BTNL9: variants seen among roughly 807,000 people sequenced by gnomAD.
BTNL9 encodes butyrophilin-like protein 9.
A neutral mutation model predicts 45.8 loss-of-function variants in BTNL9; 45 were observed. The ratio of observed to expected loss-of-function variants is 0.98; its 90% CI spans 0.77 to 1.26. The LOEUF (loss-of-function observed/expected upper bound fraction) is 1.26. BTNL9 is among the 50% of genes most tolerant of loss of function. BTNL9 has a pLI of 0.00. For synonymous variants in BTNL9, 346 were observed against 330.8 expected (o/e 1.05, Z -0.50); for missense variants, 784 against 729.7 (o/e 1.07, Z -0.86).
At chr5:181,054,042 GCA>G (rs1761737766) in intron 6 of BTNL9, 195 bp from the exon 7 acceptor site, 1 of 1,543,666 alleles carries the variant, frequency 6.5e-7, no homozygotes, top group Non-Finnish European at 8.7e-7. Flanking sequence ...ATGCAGAAGG[GCA>G]GCCAAGGGTG....
At chr5:181,045,673 C>G in intron 2 of BTNL9, 75 bp downstream of exon 2, 2 of 1,194,192 alleles carry the variant, frequency 1.7e-6, no homozygotes, top group Non-Finnish European at 2.5e-6. Context: ...GGGCTACGAT[C>G]TTAGCACAGT....
intron 9 of BTNL9, chr5:181,056,508 C>T: frequency 1.4e-6 from 1 of 716,080 alleles, no homozygotes. Context: ...CACTCGTGTG[C>T]ATTCAGTCTG....
chr5:181,043,220 GTGTGTGTGTCTATGTGTGTGTC>G (rs1760880816), intron 1 of BTNL9, among the ~76,000 whole-genome samples: 1 of 35,076 alleles, frequency 2.9e-5, no homozygotes, highest in Non-Finnish European at 6.3e-5. Flanking sequence ...GTGTGCATCT[GTGTGTGTGTCTATGTGTGTGTC>G]TGTGTGTGTG....
chr5:181,054,901 C>G (rs1582144515), intron 7 of BTNL9: 2 of 985,498 alleles, frequency 2.0e-6, no homozygotes, highest in Middle Eastern at 1.0e-3. Flanking sequence ...ATGAATGCCT[C>G]TCCCAGGAGC....
intron 2 of BTNL9, among the ~76,000 whole-genome samples, chr5:181,046,984 G>A (rs374768267): frequency 5.9e-5 from 9 of 152,260 alleles, no homozygotes; most frequent in South Asian, 2.1e-4. Flanking sequence ...CTCACCCAGC[G>A]GGCAATGAGG....
At position 181,053,737 on chromosome 5, in the gene BTNL9, G is replaced by T; in HGVS notation, c.886+236G>T. The T allele has an allele frequency of 6.6e-7, 1 of 1,513,824 alleles. No homozygotes were observed. 93.8% of individuals were successfully genotyped at this position (1,513,824 alleles called of 1,614,324 possible). On this transcript the variant is annotated intron_variant, in intron 6 of 10. Coordinates refer to ENST00000327705, the MANE Select transcript of BTNL9 (RefSeq NM_152547.5). The surrounding 1 kb of genome is among the most constrained non-coding windows in gnomAD (Gnocchi z 6.5). ...AGGCTAGTGCACAGATGTCAGGGTT[G>T]ACCGGCTGCTGTCGTTACGCCCTCG...
At chr5:181,056,545 C>G in intron 9 of BTNL9, 2 of 717,542 alleles carry the variant, frequency 2.8e-6, no homozygotes, top group Non-Finnish European at 5.2e-6. Context: ...CAGAGTGCTT[C>G]GTTTTAGCCA....
chr5:181,044,706 G>A (rs190202833), intron 1 of BTNL9, among the ~76,000 whole-genome samples: 61 of 152,310 alleles, frequency 4.0e-4, no homozygotes, highest in African/African-American at 1.4e-3. Context: ...AGTCATTAGT[G>A]GGTCCCAAGG....
rs941301563 is a variant in BTNL9 at position 181,050,089 on chromosome 5, G to A, written c.456G>A (p.Gly152=). 1 of 1,612,660 alleles carries A rather than the reference G, an allele frequency of 6.2e-7. No homozygotes were observed. Among genetic ancestry groups the A allele is most frequent in the African/African-American group, 1.3e-5 (1 of 75,040 alleles). Residue 152 remains glycine (G), a splice_region_variant and synonymous_variant, in exon 4 of 11, where the codon GGG becomes GGA. Coordinates refer to ENST00000327705, the MANE Select transcript of BTNL9 (RefSeq NM_152547.5). This position sits in a 1 kb window ranked among gnomAD's most constrained non-coding sequence, Gnocchi z 4.9. ...TCCCACTCCTCCTGCCTCCACCAGGGCTGGGCTCAGACCCTCACCTCTCCC... is the reference window on the plus strand; with the variant it reads ...TCCCACTCCTCCTGCCTCCACCAGGACTGGGCTCAGACCCTCACCTCTCCC... ...GEALWELEVA[G]LGSDPHLSLE...
At position 181,047,933 on chromosome 5, in the gene BTNL9, A is replaced by G; in HGVS notation, c.116A>G (p.Lys39Arg). 6.2e-7 allele frequency: 1 copy of G among 1,612,786 alleles called. No homozygotes were observed. Among genetic ancestry groups the G allele is most frequent in the Non-Finnish European group, 8.5e-7 (1 of 1,179,180 alleles). ...LQPGEPSSEV[K>R]VLGPEYPILA... ...TTCTGACTTGTCATCCTAGAGGTCA[A>G]GGTGCTAGGCCCTGAGTATCCCATC... The change falls in exon 3 of 11, where the codon AAG becomes AGG. Residue 39 changes from lysine (K) to arginine (R), a missense_variant. By Grantham distance (26) the Lys-to-Arg change is conservative. Coordinates refer to ENST00000327705, the MANE Select transcript of BTNL9 (RefSeq NM_152547.5).
chr5:181,051,918 C>T (rs1292649600), intron 4 of BTNL9, among the ~76,000 whole-genome samples: 1 of 152,126 alleles, frequency 6.6e-6, no homozygotes, highest in Non-Finnish European at 1.5e-5. Flanking sequence ...GGGCGTGACT[C>T]ACATGGATAC....
rs188464700 is a variant in BTNL9, at chr5:181,042,291, G to A, written c.-24+1859G>A. Among the ~76,000 whole-genome samples the A allele has an allele frequency of 6.6e-6, 1 of 152,218 alleles. No homozygotes were observed. Among genetic ancestry groups the A allele is most frequent in the Non-Finnish European group, 1.5e-5 (1 of 68,034 alleles). ...TCAGCTCCAGCTGGAGGACCCCTTT[G>A]TGGTCCTTGCGCACACTGGGTTTTC... On this transcript the variant is annotated intron_variant, in intron 1 of 10. Coordinates refer to ENST00000327705, the MANE Select transcript of BTNL9 (RefSeq NM_152547.5). This position sits in a 1 kb window ranked among gnomAD's most constrained non-coding sequence, Gnocchi z 4.5.
intron 2 of BTNL9, 82 bp downstream of exon 2, chr5:181,045,680 C>T: frequency 8.8e-7 from 1 of 1,130,434 alleles, no homozygotes; most frequent in South Asian, 1.2e-5. Flanking sequence ...GATCTTAGCA[C>T]AGTACCAGGG....
At chr5:181,049,468 C>T (rs1017236223) in intron 3 of BTNL9, among the ~76,000 whole-genome samples, 1 of 152,164 alleles carries the variant, frequency 6.6e-6, no homozygotes, top group Non-Finnish European at 1.5e-5. Flanking sequence ...GGTTCGATAA[C>T]ATACACTTGC....
intron 2 of BTNL9, among the ~76,000 whole-genome samples, chr5:181,046,375 C>T (rs1761151677): frequency 6.6e-6 from 1 of 152,170 alleles, no homozygotes; most frequent in Non-Finnish European, 1.5e-5. Context: ...CCGAAATCCA[C>T]AGGCATAGCA....
At position 181,059,529 on chromosome 5, in the gene BTNL9, G is replaced by C. The variant is rs1025665585; in HGVS notation, c.1275G>C (p.Trp425Cys). ...CCGGCTACTGGGTGCTGGGGCTGTG[G>C]AACGGCTGCGAGTACTTCGTCCTGG... ...PAAGYWVLGL[W>C]NGCEYFVLAP... is the part of the protein sequence containing the mutation. Residue 425 changes from tryptophan to cysteine, a missense_variant, in exon 11 of 11, where the codon TGG becomes TGC. Coordinates refer to ENST00000327705, the MANE Select transcript of BTNL9 (RefSeq NM_152547.5). The C allele has an allele frequency of 6.2e-7, 1 of 1,606,424 alleles. No homozygotes were observed. Among genetic ancestry groups the C allele is most frequent in the Non-Finnish European group, 8.5e-7 (1 of 1,178,498 alleles).
At chr5:181,045,727 C>A in intron 2 of BTNL9, 129 bp downstream of exon 2, 1 of 734,044 alleles carries the variant, frequency 1.4e-6, no homozygotes, top group Non-Finnish European at 2.3e-6. Flanking sequence ...GACTTCCATC[C>A]TGGTTGTTAA....
Position 181,053,932 on chromosome 5 carries a change from CA to C in BTNL9, c.887-306del, listed in dbSNP as rs756107208. 172 of 1,516,410 alleles carry C rather than the reference CA, an allele frequency of 1.1e-4. 2 individuals are homozygous for C. The East Asian group carries it at 1.9e-3, about 16-fold the overall frequency. 93.9% of individuals were successfully genotyped at this position (1,516,410 alleles called of 1,614,324 possible). ...GAGAAAACAGCCCAGTTACGTGAGG[CA>C]GTGTCCGGGGCTTAACGTTTCCGCC... is the stretch of plus-strand genomic sequence containing the variant. On this transcript the variant is annotated intron_variant, in intron 6 of 10. Coordinates refer to ENST00000327705, the MANE Select transcript of BTNL9 (RefSeq NM_152547.5). This position sits in a 1 kb window ranked among gnomAD's most constrained non-coding sequence, Gnocchi z 6.5.
In BTNL9 at chr5:181,060,119, T is replaced by A; in HGVS notation, c.*257T>A. ...CAAATATATCCACGTCGCTCAGAGC[T>A]GGGGTGCTCACGGTGGGCGGTGGGC... On this transcript the variant is annotated 3_prime_UTR_variant, in exon 11 of 11. Transcript: ENST00000327705. The A allele has an allele frequency of 2.2e-6, 1 of 458,604 alleles. No individual in the cohort carries two copies. The allele number at this position is 458,604 out of a possible 1,614,324, so 28.4% of individuals were successfully genotyped here.
Sources: allele counts gnomAD v4.1 joint callset (sites outside exome capture counted in the v4.1 genomes callset), GRCh38; gene constraint gnomAD v4.1.1; non-coding constraint Gnocchi (gnomAD v3.1); transcripts MANE v1.5; gene names NCBI Gene and HGNC (gene_info 2026-07-23, HGNC 2026-07-21).